Variants in LRRC4C observed in about 807,000 individuals in gnomAD.
The protein encoded by LRRC4C is leucine rich repeat containing 4C.
A neutral mutation model predicts 33.6 loss-of-function variants in LRRC4C; 5 were observed. The ratio of observed to expected loss-of-function variants is 0.15; its 90% CI spans 0.08 to 0.31. The LOEUF is 0.31. Among genes scored for constraint, LRRC4C ranks in the 10% least tolerant of loss-of-function variants. The pLI is 1.00. For synonymous variants in LRRC4C, 329 were observed against 302.0 expected (o/e 1.09, Z -0.93); for missense variants, 560 against 796.7 (o/e 0.70, Z 3.58).
chr11:40,752,375 T>C (rs1323101398), intron 2 of LRRC4C, among the ~76,000 whole-genome samples: 1 of 151,932 alleles, frequency 6.6e-6, no homozygotes, highest in African/African-American at 2.4e-5. Flanking sequence ...ATATCCAGAA[T>C]ATACAAGGAG....
At chr11:40,468,666 A>C in intron 3 of LRRC4C, among the ~76,000 whole-genome samples, 1 of 152,202 alleles carries the variant, frequency 6.6e-6, no homozygotes. Context: ...GTGTATGTGT[A>C]CATGTGTATT....
chr11:41,213,479 A>G (rs977476538), intron 1 of LRRC4C, among the ~76,000 whole-genome samples: 2 of 152,222 alleles, frequency 1.3e-5, no homozygotes, highest in Non-Finnish European at 2.9e-5. Flanking sequence ...ATCCATCACT[A>G]ACCAACAGGT....
At chr11:40,960,367 A>C (rs1850892484) in intron 1 of LRRC4C, among the ~76,000 whole-genome samples, 1 of 151,738 alleles carries the variant, frequency 6.6e-6, no homozygotes, top group Admixed American at 6.6e-5. Flanking sequence ...TTATTCTATA[A>C]CTATTTTGTT....
At chr11:41,156,813 G>T (rs1044271554) in intron 1 of LRRC4C, among the ~76,000 whole-genome samples, 1 of 152,058 alleles carries the variant, frequency 6.6e-6, no homozygotes, top group Non-Finnish European at 1.5e-5. Context: ...GAGGAAATTA[G>T]CCAGGCAGAT....
intron 1 of LRRC4C, among the ~76,000 whole-genome samples, chr11:41,390,900 A>G (rs1373744198): frequency 6.6e-6 from 1 of 151,816 alleles, no homozygotes; most frequent in Non-Finnish European, 1.5e-5. Flanking sequence ...TACTCAAGAA[A>G]TAATTATCAA....
chr11:41,077,901 C>T (rs1402736775), intron 1 of LRRC4C, among the ~76,000 whole-genome samples: 1 of 152,180 alleles, frequency 6.6e-6, no homozygotes, highest in Non-Finnish European at 1.5e-5. Flanking sequence ...TGACTGTACA[C>T]TTCTAGAAAC....
At chr11:40,480,565 C>T (rs1425136495) in intron 3 of LRRC4C, among the ~76,000 whole-genome samples, 2 of 151,576 alleles carry the variant, frequency 1.3e-5, no homozygotes, top group Admixed American at 6.6e-5. Context: ...GACACTAAAC[C>T]CCTGCAACAC....
At chr11:40,556,475 G>T (rs2135478057) in intron 3 of LRRC4C, among the ~76,000 whole-genome samples, 1 of 152,318 alleles carries the variant, frequency 6.6e-6, no homozygotes, top group South Asian at 2.1e-4. Flanking sequence ...GCCTTAGAAA[G>T]ATACCTGTTG....
At chr11:41,133,296 G>C (rs1943099887) in intron 1 of LRRC4C, among the ~76,000 whole-genome samples, 2 of 152,048 alleles carry the variant, frequency 1.3e-5, no homozygotes, top group African/African-American at 4.8e-5. Context: ...CTAACCATAG[G>C]GGATGGTGGG....
At chr11:41,255,428 C>T (rs193131853) in intron 1 of LRRC4C, among the ~76,000 whole-genome samples, 1 of 152,154 alleles carries the variant, frequency 6.6e-6, no homozygotes, top group Non-Finnish European at 1.5e-5. Flanking sequence ...GGAAAACCAA[C>T]TGATCTTGGT....
intron 1 of LRRC4C, among the ~76,000 whole-genome samples, chr11:41,448,413 C>T (rs1180739041): frequency 6.8e-6 from 1 of 146,890 alleles, no homozygotes; most frequent in African/African-American, 2.5e-5. Context: ...TCAAGCAGTT[C>T]TCCTGCCTCA....
At chr11:41,413,134 G>A (rs1479952099) in intron 1 of LRRC4C, among the ~76,000 whole-genome samples, 1 of 152,032 alleles carries the variant, frequency 6.6e-6, no homozygotes, top group East Asian at 1.9e-4. Flanking sequence ...AGAGAATGAG[G>A]ATGGTTTGAT....
At chr11:40,803,194 T>A (rs1565080324) in intron 2 of LRRC4C, among the ~76,000 whole-genome samples, 1 of 152,202 alleles carries the variant, frequency 6.6e-6, no homozygotes. Context: ...CATATTTAAT[T>A]CATCAACAGT....
At chr11:41,356,257 T>C (rs1196991681) in intron 1 of LRRC4C, among the ~76,000 whole-genome samples, 1 of 152,190 alleles carries the variant, frequency 6.6e-6, no homozygotes, top group Admixed American at 6.5e-5. Flanking sequence ...ATGTTATAGG[T>C]ACCAGATGTG....
At chr11:40,351,003 C>G (rs933523531) in intron 3 of LRRC4C, among the ~76,000 whole-genome samples, 2 of 151,842 alleles carry the variant, frequency 1.3e-5, no homozygotes, top group Non-Finnish European at 2.9e-5. Context: ...TCAAATTTTT[C>G]CAAATATAGG....
At chr11:40,262,354 G>A (rs1816596638) in intron 4 of LRRC4C, among the ~76,000 whole-genome samples, 1 of 152,182 alleles carries the variant, frequency 6.6e-6, no homozygotes, top group Non-Finnish European at 1.5e-5. Context: ...AGAGGATGTG[G>A]AGAAATAGGA....
intron 1 of LRRC4C, among the ~76,000 whole-genome samples, chr11:40,970,182 G>A (rs1851628409): frequency 1.3e-5 from 2 of 152,152 alleles, no homozygotes; most frequent in African/African-American, 4.8e-5. Context: ...GATGGTAATT[G>A]ATAAGGTTTG....
rs139732237 is a variant in LRRC4C at position 40,689,395 on chromosome 11, T to G, written c.-406-41117A>C. Among the ~76,000 whole-genome samples the G allele has an allele frequency of 2.2e-3, 332 of 152,210 alleles. 1 individual carries two copies. The highest frequency in any genetic ancestry group is 7.6e-3 in the African/African-American group (315 of 41,556). On this transcript the variant is annotated intron_variant, in intron 2 of 6. Coordinates refer to ENST00000528697, the MANE Select transcript of LRRC4C (RefSeq NM_001258419.2). ...ATGGTATTTTAATGTCTACCCTACATGCTTCACAAGTTTATTATAATGAGC... is the reference window on the plus strand; with the variant it reads ...ATGGTATTTTAATGTCTACCCTACAGGCTTCACAAGTTTATTATAATGAGC...
intron 4 of LRRC4C, among the ~76,000 whole-genome samples, chr11:40,245,985 T>C (rs1332679236): frequency 6.6e-6 from 1 of 151,662 alleles, no homozygotes; most frequent in Non-Finnish European, 1.5e-5. Context: ...TTTTTTTTTT[T>C]TTTTGAGATG....
Sources: gnomAD v4.1 joint callset for allele counts (sites outside exome capture counted in the v4.1 genomes callset) on GRCh38, gnomAD v4.1.1 for gene constraint, MANE v1.5 for transcripts, NCBI Gene and HGNC (gene_info 2026-07-23, HGNC 2026-07-21) for gene names.